The following SLC44A5 variants were observed in gnomAD, a reference collection of about 807,000 sequenced individuals.
SLC44A5 encodes the protein solute carrier family 44 member 5, also known as choline transporter-like protein 5.
A neutral mutation model predicts 101.8 loss-of-function variants in SLC44A5; 57 were observed. The ratio of observed to expected loss-of-function variants is 0.56; its 90% CI spans 0.45 to 0.70. The LOEUF (loss-of-function observed/expected upper bound fraction) is 0.70, where lower values mean the gene tolerates loss of function less well. Ranked by LOEUF, SLC44A5 falls within the 30% of genes least tolerant of loss-of-function variation. The pLI, the probability that SLC44A5 is intolerant of heterozygous loss-of-function variation, is 0.00. For missense variants in SLC44A5, 737 were observed against 853.1 expected, an observed-to-expected ratio of 0.86 and a Z score of 1.70; for synonymous variants, 281 against 290.9, an observed-to-expected ratio of 0.97 and a Z score of 0.35.
intron 1 of SLC44A5, among the ~76,000 whole-genome samples, chr1:75,604,359 T>G (rs565903415): frequency 6.6e-6 from 1 of 152,268 alleles, no homozygotes; most frequent in Admixed American, 6.5e-5. Flanking sequence ...TTTCTTCTGT[T>G]CCATTGGTCT....
intron 14 of SLC44A5, 36 bp from the exon 15 acceptor site, chr1:75,219,928 A>T (rs1164889026): frequency 7.1e-7 from 1 of 1,406,140 alleles, no homozygotes; most frequent in Admixed American, 1.8e-5. Context: ...TCAATTGTTA[A>T]AACTAGAAAT....
intron 2 of SLC44A5, among the ~76,000 whole-genome samples, chr1:75,405,114 T>C (rs1662760866): frequency 2.0e-5 from 3 of 152,208 alleles, no homozygotes; most frequent in Admixed American, 1.3e-4. Context: ...CATTACATAC[T>C]GGTAAAGGGA....
chr1:75,309,723 A>T (rs1482862711), intron 4 of SLC44A5, among the ~76,000 whole-genome samples: 3 of 152,224 alleles, frequency 2.0e-5, no homozygotes, highest in African/African-American at 7.2e-5. Context: ...AAAGAAGCAT[A>T]GGCATTCGGT....
intron 2 of SLC44A5, among the ~76,000 whole-genome samples, chr1:75,486,954 G>T (rs1668183875): frequency 6.6e-6 from 1 of 152,156 alleles, no homozygotes; most frequent in Non-Finnish European, 1.5e-5. Flanking sequence ...TCATGTGAAG[G>T]ATTATTTTCT....
chr1:75,638,277 C>G, the SLC44A5 span, among the ~76,000 whole-genome samples: 1 of 152,042 alleles, frequency 6.6e-6, no homozygotes, highest in African/African-American at 2.4e-5. Context: ...GCTCCAAAAT[C>G]ACACAAGTGA....
chr1:75,674,126 C>G, the SLC44A5 span, among the ~76,000 whole-genome samples: 1 of 151,950 alleles, frequency 6.6e-6, no homozygotes, highest in Non-Finnish European at 1.5e-5. Flanking sequence ...ACAGAGAATT[C>G]AAAAGAGCTG....
At chr1:75,453,441 C>A (rs1666013348) in intron 2 of SLC44A5, among the ~76,000 whole-genome samples, 1 of 151,996 alleles carries the variant, frequency 6.6e-6, no homozygotes, top group Non-Finnish European at 1.5e-5. Context: ...TTAGAAAGAT[C>A]TCAAATTAAT....
chr1:75,464,607 G>A (rs535644292), intron 2 of SLC44A5, among the ~76,000 whole-genome samples: 2 of 151,958 alleles, frequency 1.3e-5, no homozygotes, highest in African/African-American at 4.8e-5. Flanking sequence ...TATACTGACT[G>A]AATGGATGGG....
At chr1:75,606,079 A>G (rs752321405) in intron 1 of SLC44A5, among the ~76,000 whole-genome samples, 1 of 151,938 alleles carries the variant, frequency 6.6e-6, no homozygotes, top group Non-Finnish European at 1.5e-5. Flanking sequence ...GAGAAGCATT[A>G]GGCTAGTTCC....
At chr1:75,290,331 A>T (rs1245384769) in intron 5 of SLC44A5, among the ~76,000 whole-genome samples, 4 of 152,160 alleles carry the variant, frequency 2.6e-5, no homozygotes, top group Admixed American at 2.0e-4. Context: ...CAGATGTTAA[A>T]CTCATATAGA....
At chr1:75,606,335 AGAACTAG>A (rs1381734822) in intron 1 of SLC44A5, among the ~76,000 whole-genome samples, 1 of 152,072 alleles carries the variant, frequency 6.6e-6, no homozygotes, top group Non-Finnish European at 1.5e-5. Context: ...AAACATCCTT[AGAACTAG>A]GCAACATAAG....
At chr1:75,510,001 T>C (rs1669478265) in intron 2 of SLC44A5, among the ~76,000 whole-genome samples, 1 of 152,144 alleles carries the variant, frequency 6.6e-6, no homozygotes, top group African/African-American at 2.4e-5. Flanking sequence ...AGACACATCT[T>C]ACATGGCAGC....
chr1:75,397,510 G>A (rs535544256), intron 2 of SLC44A5, among the ~76,000 whole-genome samples: 284 of 152,256 alleles, frequency 1.9e-3, no homozygotes, highest in African/African-American at 6.2e-3. Flanking sequence ...GCGAACATTT[G>A]TAAATTGTGT....
At position 75,405,144 on chromosome 1, in the gene SLC44A5, T is replaced by C. The variant is rs1662763114; in HGVS notation, c.14-8523A>G. 4.6e-5 allele frequency among the ~76,000 whole-genome samples: 7 copies of C among 152,178 alleles called. No individual in the cohort carries two copies. In the South Asian group the frequency reaches 1.5e-3, roughly 32 times the overall value. ...AAGGGATCAATGCAACAAGAAGAGC[T>C]CACTATCCTAAATATATATGCACCC... On this transcript the variant is annotated intron_variant, in intron 2 of 23. Coordinates refer to ENST00000370859, the MANE Select transcript of SLC44A5 (RefSeq NM_001130058.2).
chr1:75,297,202 A>C (rs1262210979), intron 5 of SLC44A5, among the ~76,000 whole-genome samples: 1 of 152,202 alleles, frequency 6.6e-6, no homozygotes, highest in African/African-American at 2.4e-5. Flanking sequence ...TCCTAATTTC[A>C]AGCACTTCCT....
chr1:75,627,658 AC>A, the SLC44A5 span, among the ~76,000 whole-genome samples: 14 of 151,854 alleles, frequency 9.2e-5, no homozygotes, highest in African/African-American at 2.7e-4. Flanking sequence ...CTCCAGCCTG[AC>A]CAACAGAGCA....
At chr1:75,504,440 T>G (rs1669137102) in intron 2 of SLC44A5, among the ~76,000 whole-genome samples, 1 of 152,056 alleles carries the variant, frequency 6.6e-6, no homozygotes, top group African/African-American at 2.4e-5. Context: ...ATGATGTGTA[T>G]ATTTTTCTTT....
In SLC44A5 at chr1:75,325,608, A is replaced by G. The variant is rs79585610; in HGVS notation, c.101+13974T>C. ...ATTCCAGTAACTTTTTTTACAGTAC[A>G]TTGTTATAATTGTTGTATTTTATTA... On this transcript the variant is annotated intron_variant, in intron 4 of 23. Transcript: ENST00000370859. 9.6e-3 allele frequency among the ~76,000 whole-genome samples: 1,465 copies of G among 152,178 alleles called. 18 individuals carry two copies. Among genetic ancestry groups the G allele is most frequent in the African/African-American group, 0.034 (1,408 of 41,526 alleles).
At chr1:75,412,954 G>T (rs1663379028) in intron 2 of SLC44A5, among the ~76,000 whole-genome samples, 1 of 152,068 alleles carries the variant, frequency 6.6e-6, no homozygotes, top group Non-Finnish European at 1.5e-5. Context: ...GTCAATAGTA[G>T]CCTAATGCTA....
Sources: allele counts gnomAD v4.1 joint callset (sites outside exome capture counted in the v4.1 genomes callset), GRCh38; gene constraint gnomAD v4.1.1; transcripts MANE v1.5; gene names NCBI Gene and HGNC (gene_info 2026-07-23, HGNC 2026-07-21).